The following NAV3 variants were observed in gnomAD, a reference collection of about 807,000 sequenced individuals.
NAV3 encodes the protein pore membrane and/or filament interacting like protein 1.
Under a neutral mutation model 244.7 loss-of-function variants are expected in NAV3, and 87 were observed. The observed-to-expected ratio is 0.36, with a 90% CI of 0.30 to 0.42. The LOEUF is 0.42. Ranked by LOEUF, NAV3 falls within the 20% of genes least tolerant of loss-of-function variation. The pLI is 1.00. For missense variants in NAV3, 2,663 were observed against 2,893.3 expected (o/e 0.92, Z 1.83); for synonymous variants, 1,126 against 1,042.2 (o/e 1.08, Z -1.55).
chr12:77,624,036 T>A (rs985149072), intron 2 of NAV3, among the ~76,000 whole-genome samples: 1 of 152,104 alleles, frequency 6.6e-6, no homozygotes. Flanking sequence ...CAAGGGAACC[T>A]ACATAATAAA....
chr12:78,164,540 A>T (rs1476288538), intron 23 of NAV3, among the ~76,000 whole-genome samples: 1 of 152,118 alleles, frequency 6.6e-6, no homozygotes, highest in African/African-American at 2.4e-5. Flanking sequence ...AAGTGTTTTT[A>T]AAAAATATAT....
At chr12:78,141,907 A>T (rs1273447637) in intron 20 of NAV3, among the ~76,000 whole-genome samples, 2 of 152,176 alleles carry the variant, frequency 1.3e-5, no homozygotes, top group Non-Finnish European at 2.9e-5. Context: ...TAGCATCATT[A>T]TTATTCTAAA....
At chr12:78,140,197 C>T (rs1956546563) in intron 19 of NAV3, 85 bp from the exon 20 acceptor site, 3 of 1,080,728 alleles carry the variant, frequency 2.8e-6, no homozygotes, top group Non-Finnish European at 4.2e-6. Context: ...TCCCTAACCA[C>T]CCGTTCTTTA....
intron 2 of NAV3, among the ~76,000 whole-genome samples, chr12:77,754,446 C>T (rs1339064477): frequency 6.6e-6 from 1 of 152,158 alleles, no homozygotes; most frequent in Non-Finnish European, 1.5e-5. Context: ...ATTATGGTGA[C>T]CTTCATTGCT....
intron 12 of NAV3, among the ~76,000 whole-genome samples, chr12:78,093,133 T>C (rs555229632): frequency 1.2e-4 from 18 of 152,220 alleles, no homozygotes; most frequent in Non-Finnish European, 2.4e-4. Context: ...GTTAACAATA[T>C]ACAATGAATA....
rs763376821 is a variant in NAV3, at chr12:77,831,540, C to A, written c.79C>A (p.Pro27Thr). The A allele has an allele frequency of 6.2e-7, 1 of 1,614,094 alleles. No homozygotes were observed. Residue 27 changes from proline (P) to threonine (T), a missense_variant, in exon 1 of 40, where the codon CCA becomes ACA. By Grantham distance (38) the Pro-to-Thr change is conservative. This residue lies in a region of NAV3 where 1,521 missense variants were observed against 1,497.0 expected (regional missense o/e 1.02). Transcript: ENST00000397909. ...SKPVHTALPI[P>T]NLGTTGSQHC... ...GCCTGTGCATACTGCTCTTCCGATA[C>A]CAAATCTTGGCACTACTGGGTCACA...
intron 1 of NAV3, among the ~76,000 whole-genome samples, chr12:77,923,647 T>A (rs1195720259): frequency 6.6e-6 from 1 of 152,072 alleles, no homozygotes. Context: ...ATTAGATACA[T>A]TCAGTACCTA....
At chr12:77,654,710 T>C (rs1363419344) in intron 2 of NAV3, among the ~76,000 whole-genome samples, 1 of 151,968 alleles carries the variant, frequency 6.6e-6, no homozygotes, top group Middle Eastern at 3.2e-3. Flanking sequence ...AACCCCCCAG[T>C]AGGGGCAGAC....
At chr12:77,878,087 G>C (rs564323265) in intron 1 of NAV3, among the ~76,000 whole-genome samples, 1 of 152,094 alleles carries the variant, frequency 6.6e-6, no homozygotes, top group East Asian at 1.9e-4. Context: ...CTAAGAAACT[G>C]GTAGGAAAAA....
intron 8 of NAV3, among the ~76,000 whole-genome samples, chr12:78,013,560 A>C (rs944732768): frequency 7.9e-5 from 12 of 152,104 alleles, no homozygotes; most frequent in African/African-American, 2.7e-4. Context: ...TTGAACATTG[A>C]AGATTGATTG....
intron 2 of NAV3, among the ~76,000 whole-genome samples, chr12:77,643,893 A>G (rs1215596255): frequency 6.6e-6 from 1 of 152,112 alleles, no homozygotes; most frequent in Non-Finnish European, 1.5e-5. Flanking sequence ...TAAATCAGCA[A>G]TATTAAACTA....
chr12:77,711,609 A>G (rs774876007), intron 2 of NAV3, among the ~76,000 whole-genome samples: 1 of 152,222 alleles, frequency 6.6e-6, no homozygotes, highest in Non-Finnish European at 1.5e-5. Context: ...GCTAAAGGGC[A>G]GGTGCCCTGA....
chr12:77,697,074 A>G (rs569979542), intron 2 of NAV3, among the ~76,000 whole-genome samples: 6 of 152,132 alleles, frequency 3.9e-5, no homozygotes, highest in Non-Finnish European at 8.8e-5. Context: ...TCCTTCTCCC[A>G]GAGAAGTCAG....
chr12:77,705,907 T>A (rs923599944), intron 2 of NAV3, among the ~76,000 whole-genome samples: 1 of 151,544 alleles, frequency 6.6e-6, no homozygotes, highest in African/African-American at 2.4e-5. Flanking sequence ...TATTTCTGAT[T>A]GCAAGTTGCA....
chr12:78,094,516 T>C (rs1358965046), intron 12 of NAV3, among the ~76,000 whole-genome samples: 1 of 152,198 alleles, frequency 6.6e-6, no homozygotes, highest in Non-Finnish European at 1.5e-5. Flanking sequence ...GTGTAAACTT[T>C]GAAGATGCTA....
chr12:77,672,967 C>G (rs946440700), intron 2 of NAV3, among the ~76,000 whole-genome samples: 3 of 151,982 alleles, frequency 2.0e-5, no homozygotes, highest in African/African-American at 7.2e-5. Context: ...GCCTTTTGTT[C>G]TTTTTGTTAT....
intron 2 of NAV3, among the ~76,000 whole-genome samples, chr12:77,704,244 A>G (rs1273663008): frequency 6.6e-6 from 1 of 152,150 alleles, no homozygotes; most frequent in African/African-American, 2.4e-5. Flanking sequence ...TAGGATTACA[A>G]ATATGCTTTT....
At chr12:77,581,631 C>T (rs1246492524) in intron 2 of NAV3, among the ~76,000 whole-genome samples, 3 of 152,108 alleles carry the variant, frequency 2.0e-5, no homozygotes, top group Non-Finnish European at 2.9e-5. Flanking sequence ...CCAGTAAACT[C>T]GCCAGGTTTT....
chr12:77,981,900 G>A (rs1445208699), intron 5 of NAV3, among the ~76,000 whole-genome samples: 5 of 151,880 alleles, frequency 3.3e-5, no homozygotes, highest in African/African-American at 9.7e-5. Context: ...CACTATATAC[G>A]GATTCTGAAT....
Sources: allele counts gnomAD v4.1 joint callset (sites outside exome capture counted in the v4.1 genomes callset), GRCh38; gene constraint gnomAD v4.1.1; regional missense constraint gnomAD v4.1.1; transcripts MANE v1.5; gene names NCBI Gene and HGNC (gene_info 2026-07-23, HGNC 2026-07-21).